KDM4C: variants seen among roughly 807,000 people sequenced by gnomAD.
KDM4C encodes lysine demethylase 4C, also known as lysine-specific demethylase 4C.
In KDM4C, 81 loss-of-function variants were observed where a neutral mutation model predicts 129.3. The ratio of observed to expected loss-of-function variants is 0.63; its 90% CI spans 0.52 to 0.75. The LOEUF (loss-of-function observed/expected upper bound fraction) is 0.75. KDM4C is among the 30% of genes least tolerant of loss of function. The probability of loss-of-function intolerance (pLI) is 0.00; values close to 1 mark genes in which losing one functional copy is unlikely to be tolerated. For missense variants in KDM4C, 1,457 were observed against 1,304.0 expected, an observed-to-expected ratio of 1.12 and a Z score of -1.81; for synonymous variants, 573 against 456.1, an observed-to-expected ratio of 1.26 and a Z score of -3.26.
chr9:7,049,641 C>G (rs1331578037), intron 17 of KDM4C, among the ~76,000 whole-genome samples: 2 of 151,986 alleles, frequency 1.3e-5, no homozygotes, highest in Non-Finnish European at 2.9e-5. Flanking sequence ...AATAAAGAAG[C>G]TTTTATTTTT....
chr9:7,014,165 A>G (rs1026267995), intron 14 of KDM4C, 164 bp downstream of exon 14: 16 of 597,018 alleles, frequency 2.7e-5, no homozygotes, highest in Non-Finnish European at 4.3e-5. Flanking sequence ...ATGAGTTGGT[A>G]TATTCATCCT....
At chr9:6,856,535 T>TGTGCGTGC (rs1416360518) in intron 5 of KDM4C, among the ~76,000 whole-genome samples, 2 of 130,222 alleles carry the variant, frequency 1.5e-5, no homozygotes, top group African/African-American at 6.4e-5. Context: ...TCTCTCTCTG[T>TGTGCGTGC]GTGCGTGTGT....
chr9:7,084,945 C>G (rs942589378), intron 17 of KDM4C, among the ~76,000 whole-genome samples: 11 of 152,154 alleles, frequency 7.2e-5, no homozygotes. Context: ...ATGAGAGTGC[C>G]CATCAGGGGG....
At chr9:6,988,659 TCCATCCATCCATCCATC>T (rs1818174758) in intron 11 of KDM4C, among the ~76,000 whole-genome samples, 12 of 150,450 alleles carry the variant, frequency 8.0e-5, no homozygotes, top group Admixed American at 1.3e-4. Flanking sequence ...TTTAAAGCCA[TCCATCCATCCATCCATC>T]CATCCATCCA....
At chr9:6,984,613 C>G (rs778626348) in intron 10 of KDM4C, among the ~76,000 whole-genome samples, 2 of 151,620 alleles carry the variant, frequency 1.3e-5, no homozygotes, top group East Asian at 1.9e-4. Flanking sequence ...AATTGTGAGA[C>G]AAGCAGTCAG....
intron 1 of KDM4C, among the ~76,000 whole-genome samples, chr9:6,737,265 A>G (rs537894859): frequency 5.1e-4 from 78 of 152,232 alleles, no homozygotes; most frequent in African/African-American, 1.6e-3. Context: ...ACTGGGAAAA[A>G]ATATTTGCAA....
intron 3 of KDM4C, among the ~76,000 whole-genome samples, chr9:6,806,755 C>G (rs906124647): frequency 6.6e-6 from 1 of 152,102 alleles, no homozygotes; most frequent in African/African-American, 2.4e-5. Flanking sequence ...GACTGCTCTT[C>G]ATGTCATGGC....
chr9:7,169,942 T>C (rs1844789178), intron 21 of KDM4C, 52 bp downstream of exon 21: 1 of 1,611,308 alleles, frequency 6.2e-7, no homozygotes, highest in East Asian at 2.2e-5. Flanking sequence ...TTCCTTGTCC[T>C]CACCTCATGT....
At chr9:6,753,339 G>A (rs1818136708), upstream of KDM4C, among the ~76,000 whole-genome samples, 1 of 152,296 alleles carries the variant, frequency 6.6e-6, no homozygotes, top group East Asian at 1.9e-4. Flanking sequence ...CTTGTTCCAT[G>A]ATTATTAAAT....
Position 6,975,525 on chromosome 9 carries a change from C to G in KDM4C, c.922-5400C>G, listed in dbSNP as rs373291884. On this transcript the variant is annotated intron_variant, in intron 8 of 21. Transcript: ENST00000381309. ...TACTTATTAGGTATGTGACCTTGGACTAATTAATGTGAGTCCTCTGCGCCT... is the reference window on the plus strand; with the variant it reads ...TACTTATTAGGTATGTGACCTTGGAGTAATTAATGTGAGTCCTCTGCGCCT... Among the ~76,000 whole-genome samples the G allele has an allele frequency of 3.1e-4, 47 of 152,230 alleles. No individual in the cohort carries two copies. In the South Asian group the frequency reaches 9.3e-3, roughly 30 times the overall value.
intron 1 of KDM4C, among the ~76,000 whole-genome samples, chr9:6,786,679 C>A (rs1564002011): frequency 1.3e-5 from 2 of 151,982 alleles, no homozygotes; most frequent in African/African-American, 2.4e-5. Flanking sequence ...AAAAGAGAAA[C>A]AAGAGGGACT....
intron 17 of KDM4C, among the ~76,000 whole-genome samples, chr9:7,081,647 A>G (rs1442417077): frequency 6.6e-6 from 1 of 152,238 alleles, no homozygotes; most frequent in African/African-American, 2.4e-5. Context: ...TTGGAAAAAC[A>G]TTAAACACCT....
rs943680681 is a variant in KDM4C at position 6,925,317 on chromosome 9, C to T, written c.921+32085C>T. The stretch of plus-strand genomic sequence containing the variant: ...TAATGGAGGTCAAATAAAGGAGACA[C>T]AAGCTTTCATCAGTTGGGCGTCTTC... On this transcript the variant is annotated intron_variant, in intron 8 of 21. Coordinates refer to ENST00000381309, the MANE Select transcript of KDM4C (RefSeq NM_015061.6). 1.5e-5 allele frequency: 15 copies of T among 985,238 alleles called. No individual in the cohort carries two copies. The African/African-American group carries it at 2.4e-4, about 16-fold the overall frequency. The allele number at this position is 985,238 out of a possible 1,614,324, so 61.0% of individuals were successfully genotyped here.
intron 15 of KDM4C, among the ~76,000 whole-genome samples, chr9:7,020,489 T>C (rs1279351762): frequency 6.6e-6 from 1 of 152,232 alleles, no homozygotes; most frequent in Non-Finnish European, 1.5e-5. Context: ...TTTTGGTCAA[T>C]TTATATAATT....
intron 14 of KDM4C, among the ~76,000 whole-genome samples, chr9:7,015,592 G>A (rs1215887052): frequency 1.3e-5 from 2 of 152,116 alleles, no homozygotes; most frequent in Non-Finnish European, 2.9e-5. Flanking sequence ...ATTTTAAGAT[G>A]TCTGTGTGTG....
chr9:6,983,207 C>T (rs1214445088), intron 9 of KDM4C, among the ~76,000 whole-genome samples: 1 of 152,176 alleles, frequency 6.6e-6, no homozygotes, highest in Admixed American at 6.6e-5. Flanking sequence ...CCCTCCCTGA[C>T]TTCCTACAGT....
At chr9:7,107,789 T>A (rs536535396) in intron 18 of KDM4C, among the ~76,000 whole-genome samples, 101 of 152,350 alleles carry the variant, frequency 6.6e-4, no homozygotes, top group Non-Finnish European at 1.1e-3. Flanking sequence ...TTAATTTATG[T>A]GATTTTGTGT....
At chr9:7,097,701 A>G (rs1836607489) in intron 17 of KDM4C, among the ~76,000 whole-genome samples, 1 of 152,144 alleles carries the variant, frequency 6.6e-6, no homozygotes, top group Non-Finnish European at 1.5e-5. Context: ...CGTCTCTTAA[A>G]TCTAGTAGTG....
chr9:7,028,249 C>T (rs1004719637), intron 15 of KDM4C, among the ~76,000 whole-genome samples: 1 of 151,934 alleles, frequency 6.6e-6, no homozygotes, highest in Non-Finnish European at 1.5e-5. Flanking sequence ...CACGGGGTAC[C>T]ATCTGGGTAT....
Sources: allele counts gnomAD v4.1 joint callset (sites outside exome capture counted in the v4.1 genomes callset), GRCh38; gene constraint gnomAD v4.1.1; transcripts MANE v1.5; gene names NCBI Gene and HGNC (gene_info 2026-07-23, HGNC 2026-07-21).